Variants in POLR3G observed in about 807,000 individuals in gnomAD.
POLR3G encodes RNA polymerase III subunit G.
Under a neutral mutation model 30.1 loss-of-function variants are expected in POLR3G, and 28 were observed. The ratio of observed to expected loss-of-function variants is 0.93; its 90% CI spans 0.69 to 1.27. POLR3G has a LOEUF of 1.27. Among genes scored for constraint, POLR3G ranks in the 50% most tolerant of loss-of-function variants. The pLI, the probability that POLR3G is intolerant of heterozygous loss-of-function variation, is 0.00. For missense variants in POLR3G, 254 were observed against 264.6 expected (o/e 0.96, Z 0.28); for synonymous variants, 79 against 82.5 (o/e 0.96, Z 0.23).
At chr5:90,479,793 G>A (rs1389635251) in intron 1 of POLR3G, among the ~76,000 whole-genome samples, 1 of 152,096 alleles carries the variant, frequency 6.6e-6, no homozygotes, top group African/African-American at 2.4e-5. Flanking sequence ...TAGTGAGTCA[G>A]GAGAATAGGG....
chr5:90,490,424 G>A (rs6877977), intron 3 of POLR3G, among the ~76,000 whole-genome samples: 18,529 of 151,172 alleles, frequency 0.12, 1,272 homozygotes, highest in African/African-American at 0.19. Flanking sequence ...TGGAGATGAG[G>A]TCTCGCTCTG....
chr5:90,485,514 A>T lies in POLR3G; in HGVS notation c.-43-11A>T. On this transcript the variant is annotated splice_polypyrimidine_tract_variant and intron_variant, in intron 1 of 7. Coordinates refer to ENST00000651687, the MANE Select transcript of POLR3G (RefSeq NM_006467.3). ...TTTATATGTGATCCAGTAAATCGTA[A>T]TCATTAATAGTGCCTTTCAGAATTT... 2 of 1,231,758 alleles carry T rather than the reference A, an allele frequency of 1.6e-6. No individual in the cohort carries two copies. The highest frequency in any genetic ancestry group is 2.3e-6 in the Non-Finnish European group (2 of 856,398). The allele number at this position is 1,231,758 out of a possible 1,614,324, so 76.3% of individuals were successfully genotyped here. A position where few individuals can be genotyped will look rare whatever the true frequency, so the allele number is the denominator to read the frequency against.
chr5:90,510,546 AC>A (rs1655260394), intron 7 of POLR3G, among the ~76,000 whole-genome samples: 1 of 152,270 alleles, frequency 6.6e-6, no homozygotes, highest in East Asian at 1.9e-4. Flanking sequence ...AAATCGGCTT[AC>A]TTTTATTTCT....
intron 1 of POLR3G, among the ~76,000 whole-genome samples, chr5:90,484,801 A>C (rs1050861610): frequency 1.3e-5 from 2 of 152,212 alleles, no homozygotes; most frequent in African/African-American, 4.8e-5. Context: ...AATGTGCATT[A>C]TAATCATCAC....
rs745787047 is a variant in POLR3G, at chr5:90,512,087, G to C, written c.620G>C (p.Gly207Ala). The change falls in exon 8 of 8, where the codon GGA (glycine) becomes GCA (alanine). Residue 207 changes from glycine (G) to alanine (A), a missense_variant. Gly to Ala is a moderately conservative substitution (Grantham distance 60, BLOSUM62 0). Transcript: ENST00000651687. ...NDYINSYFED[G>A]DDFGADSDDN... The stretch of plus-strand genomic sequence containing the variant: ...TACATTAATTCATACTTTGAAGATG[G>C]AGATGATTTTGGCGCAGACAGTGAT... The C allele has an allele frequency of 1.2e-6, 2 of 1,608,922 alleles. No homozygotes were observed. The highest frequency in any genetic ancestry group is 2.2e-5 in the South Asian group (2 of 90,920).
At position 90,485,554 on chromosome 5, in the gene POLR3G, T is replaced by TA. The variant is rs753292651; in HGVS notation, c.-13dup. ...TTTCAGAATTTGCCCACTCATCTGG[T>TA]ATAACTGGTTCTGATGGCTGGGAAT... On this transcript the variant is annotated 5_prime_UTR_variant, in exon 2 of 8. Coordinates refer to ENST00000651687, the MANE Select transcript of POLR3G (RefSeq NM_006467.3). 6 of 1,581,586 alleles carry TA rather than the reference T, an allele frequency of 3.8e-6. No homozygotes were observed. Among genetic ancestry groups the TA allele is most frequent in the Non-Finnish European group, 5.2e-6 (6 of 1,152,972 alleles).
At chr5:90,508,679 A>T (rs1477064566) in intron 7 of POLR3G, among the ~76,000 whole-genome samples, 1 of 152,022 alleles carries the variant, frequency 6.6e-6, no homozygotes, top group Admixed American at 6.5e-5. Flanking sequence ...GAAAGAAATT[A>T]TTGCTACCAC....
chr5:90,506,812 A>AT, intron 7 of POLR3G, 138 bp downstream of exon 7: 5 of 1,322,802 alleles, frequency 3.8e-6, no homozygotes, highest in Non-Finnish European at 4.9e-6. Context: ...AATGGCATCG[A>AT]TTCCTTGCTA....
chr5:90,492,517 A>C (rs1442998776), intron 3 of POLR3G, among the ~76,000 whole-genome samples: 4 of 152,188 alleles, frequency 2.6e-5, no homozygotes, highest in African/African-American at 9.7e-5. Flanking sequence ...TGGTGATTAT[A>C]AATTTAATAA....
chr5:90,474,721 G>A (rs1750694474), upstream of POLR3G: 2 of 201,956 alleles, frequency 9.9e-6, no homozygotes, highest in South Asian at 1.5e-4. Flanking sequence ...TGGCTCTGCA[G>A]GGCGCGCACT....
rs768073801 is a variant in POLR3G, at chr5:90,501,996, TTTC to T, written c.438+14_438+16del. ...GTGTTGAAAAAAATGGAGGTAAGGT[TTTC>T]TTCTTACTATACAAGTGAACTGAAA... On this transcript the variant is annotated intron_variant, in intron 6 of 7. Coordinates refer to ENST00000651687, the MANE Select transcript of POLR3G (RefSeq NM_006467.3). 120 of 1,610,514 alleles carry T rather than the reference TTTC, an allele frequency of 7.5e-5. No homozygotes were observed. The highest frequency in any genetic ancestry group is 9.3e-5 in the Non-Finnish European group (110 of 1,178,178).
At chr5:90,495,840 T>C (rs1751959064) in intron 4 of POLR3G, 107 bp downstream of exon 4, 11 of 1,367,040 alleles carry the variant, frequency 8.0e-6, no homozygotes, top group South Asian at 1.7e-5. Context: ...GAAAACTGAG[T>C]CTGGTTCTTT....
At chr5:90,494,369 T>G (rs572211922) in intron 3 of POLR3G, among the ~76,000 whole-genome samples, 1 of 152,350 alleles carries the variant, frequency 6.6e-6, no homozygotes, top group East Asian at 1.9e-4. Flanking sequence ...TCATAAACAT[T>G]CATGTACATG....
intron 1 of POLR3G, among the ~76,000 whole-genome samples, chr5:90,482,210 G>A (rs1375543962): frequency 6.6e-6 from 1 of 152,204 alleles, no homozygotes; most frequent in Non-Finnish European, 1.5e-5. Context: ...GGGAGGGATT[G>A]AAACCAACTT....
At chr5:90,502,143 A>C in intron 6 of POLR3G, 155 bp downstream of exon 6, 1 of 985,370 alleles carries the variant, frequency 1.0e-6, no homozygotes, top group Non-Finnish European at 1.2e-6. Context: ...GGAAGGTTTG[A>C]ACTTTGCAGG....
intron 7 of POLR3G, among the ~76,000 whole-genome samples, chr5:90,508,329 CTT>C (rs70999490): frequency 6.8e-6 from 1 of 146,428 alleles, no homozygotes; most frequent in Non-Finnish European, 1.5e-5. Flanking sequence ...TCCTCCTCCT[CTT>C]TTTTTTTTTA....
chr5:90,478,067 A>C (rs1398094586), intron 1 of POLR3G, among the ~76,000 whole-genome samples: 2 of 152,234 alleles, frequency 1.3e-5, no homozygotes, highest in Non-Finnish European at 2.9e-5. Flanking sequence ...AGTGTGGACA[A>C]GGAACTGTGT....
chr5:90,508,370 T>C (rs577238317), intron 7 of POLR3G, among the ~76,000 whole-genome samples: 2 of 152,082 alleles, frequency 1.3e-5, no homozygotes, highest in African/African-American at 4.8e-5. Flanking sequence ...CTTTATCCTA[T>C]TTGGGGCTAA....
chr5:90,474,377 G>C, upstream of POLR3G: 1 of 1,294,432 alleles, frequency 7.7e-7, no homozygotes, highest in Non-Finnish European at 1.1e-6. Flanking sequence ...CTGCGGCTGT[G>C]TGAAGCGGTC....
Sources: allele counts gnomAD v4.1 joint callset (sites outside exome capture counted in the v4.1 genomes callset), GRCh38; gene constraint gnomAD v4.1.1; transcripts MANE v1.5; gene names NCBI Gene and HGNC (gene_info 2026-07-23, HGNC 2026-07-21).